MYO1D: variants seen among roughly 807,000 people sequenced by gnomAD.
MYO1D encodes the protein unconventional myosin-Id.
Under a neutral mutation model 122.0 loss-of-function variants are expected in MYO1D, and 83 were observed. The observed-to-expected ratio is 0.68, with a 90% confidence interval of 0.57 to 0.82. MYO1D has a LOEUF of 0.82. Among genes scored for constraint, MYO1D ranks in the 40% least tolerant of loss-of-function variants. The pLI, the probability that MYO1D is intolerant of heterozygous loss-of-function variation, is 0.00. For missense variants in MYO1D, 1,157 were observed against 1,269.5 expected, an observed-to-expected ratio of 0.91 and a Z score of 1.35; for synonymous variants, 464 against 446.9, an observed-to-expected ratio of 1.04 and a Z score of -0.48.
intron 21 of MYO1D, among the ~76,000 whole-genome samples, chr17:32,583,628 A>G (rs1035501433): frequency 6.6e-6 from 1 of 152,088 alleles, no homozygotes; most frequent in African/African-American, 2.4e-5. Context: ...AAATTCACCA[A>G]TTTTTAGTTC....
chr17:32,520,232 A>G (rs1910085912), intron 21 of MYO1D, among the ~76,000 whole-genome samples: 1 of 152,174 alleles, frequency 6.6e-6, no homozygotes, highest in Non-Finnish European at 1.5e-5. Flanking sequence ...CATCCCTGTA[A>G]CTGCTGAGCC....
intron 16 of MYO1D, among the ~76,000 whole-genome samples, chr17:32,687,292 G>A (rs1450837331): frequency 6.6e-6 from 1 of 151,380 alleles, no homozygotes; most frequent in Non-Finnish European, 1.5e-5. Context: ...CGCCTCCTGG[G>A]TTCACGCCAT....
At chr17:32,693,544 G>A (rs1298234147) in intron 16 of MYO1D, among the ~76,000 whole-genome samples, 1 of 152,164 alleles carries the variant, frequency 6.6e-6, no homozygotes, top group African/African-American at 2.4e-5. Context: ...TTGCAAAGGC[G>A]AACAGATTTC....
chr17:32,513,185 T>C (rs1276804628), intron 21 of MYO1D, among the ~76,000 whole-genome samples: 1 of 152,032 alleles, frequency 6.6e-6, no homozygotes, highest in Non-Finnish European at 1.5e-5. Flanking sequence ...ATACATGAAA[T>C]TGATAGAGAT....
chr17:32,834,812 G>C (rs2090806170), intron 1 of MYO1D, among the ~76,000 whole-genome samples: 1 of 152,222 alleles, frequency 6.6e-6, no homozygotes, highest in African/African-American at 2.4e-5. Flanking sequence ...AAGAGATCAA[G>C]ACCATCGTGG....
chr17:32,516,910 G>C (rs147365910), intron 21 of MYO1D, among the ~76,000 whole-genome samples: 1 of 152,224 alleles, frequency 6.6e-6, no homozygotes. Context: ...TAAATGGGCT[G>C]GGCCACTTCC....
intron 16 of MYO1D, among the ~76,000 whole-genome samples, chr17:32,662,464 A>G (rs1172962339): frequency 1.3e-5 from 2 of 152,192 alleles, no homozygotes; most frequent in African/African-American, 4.8e-5. Flanking sequence ...CAAGGTCAGG[A>G]GTTCCAGACC....
chr17:32,780,497 T>C, intron 2 of MYO1D, 79 bp downstream of exon 2: 1 of 1,418,492 alleles, frequency 7.0e-7, no homozygotes, highest in Non-Finnish European at 9.8e-7. Flanking sequence ...AAATATTTAA[T>C]CAATTGTTTG....
chr17:32,588,146 C>T (rs1213152003), intron 21 of MYO1D, among the ~76,000 whole-genome samples: 1 of 152,178 alleles, frequency 6.6e-6, no homozygotes, highest in African/African-American at 2.4e-5. Context: ...AAGCTAAAGT[C>T]CCCATAGGAA....
At chr17:32,784,734 A>G (rs940803537) in intron 1 of MYO1D, among the ~76,000 whole-genome samples, 2 of 152,098 alleles carry the variant, frequency 1.3e-5, no homozygotes, top group Non-Finnish European at 2.9e-5. Context: ...ATATAGGACA[A>G]TCTATAGTAG....
At chr17:32,623,147 G>A (rs1445147914) in intron 20 of MYO1D, among the ~76,000 whole-genome samples, 1 of 152,196 alleles carries the variant, frequency 6.6e-6, no homozygotes, top group African/African-American at 2.4e-5. Flanking sequence ...TCAGGAGAGA[G>A]GACCCTGAGC....
At chr17:32,839,835 G>C (rs912357386) in intron 1 of MYO1D, among the ~76,000 whole-genome samples, 1 of 152,178 alleles carries the variant, frequency 6.6e-6, no homozygotes, top group Non-Finnish European at 1.5e-5. Flanking sequence ...AACGTGAATA[G>C]TGAGATATTT....
intron 1 of MYO1D, 166 bp downstream of exon 1, chr17:32,876,612 A>C: frequency 1.9e-6 from 1 of 514,564 alleles, no homozygotes; most frequent in Non-Finnish European, 3.2e-6. Context: ...GCTCTCGGGA[A>C]AGCGCAGCCG....
chr17:32,662,918 CT>C (rs66842883), intron 16 of MYO1D, among the ~76,000 whole-genome samples: 65,392 of 118,392 alleles, frequency 0.55, 15,618 homozygotes, highest in Middle Eastern at 0.66. Context: ...ACTTTCTTTT[CT>C]TTTTTTTTTT....
At chr17:32,859,767 TC>T (rs1384788264) in intron 1 of MYO1D, among the ~76,000 whole-genome samples, 9 of 152,192 alleles carry the variant, frequency 5.9e-5, no homozygotes, top group Non-Finnish European at 8.8e-5. Flanking sequence ...TCTGAATAAA[TC>T]CTATTCTGTC....
chr17:32,612,714 A>G (rs1337738421), intron 20 of MYO1D, among the ~76,000 whole-genome samples: 1 of 144,238 alleles, frequency 6.9e-6, no homozygotes, highest in Non-Finnish European at 1.5e-5. Context: ...AAAAAAAAAG[A>G]AGAAGAAGAA....
chr17:32,867,519 G>A (rs1247193392), intron 1 of MYO1D, among the ~76,000 whole-genome samples: 1 of 151,932 alleles, frequency 6.6e-6, no homozygotes, highest in Non-Finnish European at 1.5e-5. Context: ...GTAGTTGGCC[G>A]GGTACAGTGA....
intron 10 of MYO1D, among the ~76,000 whole-genome samples, chr17:32,758,737 T>C (rs1263987823): frequency 1.3e-5 from 2 of 152,180 alleles, no homozygotes; most frequent in Admixed American, 1.3e-4. Flanking sequence ...AGAATCACTA[T>C]GTTTAGAAGT....
chr17:32,775,528 T>C (rs952409144), intron 4 of MYO1D, among the ~76,000 whole-genome samples: 7 of 152,144 alleles, frequency 4.6e-5, no homozygotes, highest in African/African-American at 1.2e-4. Context: ...TTAAAATGTA[T>C]AGAAGATGGT....
Sources: gnomAD v4.1 joint callset for allele counts (sites outside exome capture counted in the v4.1 genomes callset) on GRCh38, gnomAD v4.1.1 for gene constraint, MANE v1.5 for transcripts, NCBI Gene and HGNC (gene_info 2026-07-23, HGNC 2026-07-21) for gene names.